The following APBB2 variants were observed in gnomAD, a reference collection of about 807,000 sequenced individuals.
APBB2 encodes the protein Fe65-like 1.
In APBB2, 38 loss-of-function variants were observed where a neutral mutation model predicts 82.5. The ratio of observed to expected loss-of-function variants is 0.46; its 90% CI spans 0.36 to 0.60. APBB2 has a LOEUF of 0.60. Among genes scored for constraint, APBB2 ranks in the 20% least tolerant of loss-of-function variants. The pLI is 0.00. For synonymous variants in APBB2, 341 were observed against 368.2 expected, an observed-to-expected ratio of 0.93 and a Z score of 0.85; for missense variants, 772 against 972.3, an observed-to-expected ratio of 0.79 and a Z score of 2.74.
At chr4:40,940,963 G>GT (rs999638586) in intron 7 of APBB2, among the ~76,000 whole-genome samples, 10 of 152,226 alleles carry the variant, frequency 6.6e-5, no homozygotes, top group African/African-American at 9.6e-5. Flanking sequence ...TTCCTGGCCA[G>GT]TTTATAAACT....
intron 6 of APBB2, among the ~76,000 whole-genome samples, chr4:40,991,025 T>TTTTTTTTTTTG (rs1801909301): frequency 6.6e-6 from 1 of 150,704 alleles, no homozygotes; most frequent in African/African-American, 2.4e-5. Flanking sequence ...TTTTTTTTTT[T>TTTTTTTTTTTG]GGAGGCAAGG....
At chr4:40,846,308 C>T (rs1434938586) in intron 12 of APBB2, among the ~76,000 whole-genome samples, 1 of 141,882 alleles carries the variant, frequency 7.0e-6, no homozygotes, top group Non-Finnish European at 1.5e-5. Context: ...GGATCAAGGC[C>T]CTCGGATGAA....
intron 6 of APBB2, among the ~76,000 whole-genome samples, chr4:40,953,986 A>G (rs1265654942): frequency 6.6e-6 from 1 of 152,204 alleles, no homozygotes; most frequent in African/African-American, 2.4e-5. Flanking sequence ...GCCAAAAGCA[A>G]TACTTGGCCT....
chr4:40,938,880 G>T (rs1281122623), intron 7 of APBB2, among the ~76,000 whole-genome samples: 1 of 152,216 alleles, frequency 6.6e-6, no homozygotes, highest in Non-Finnish European at 1.5e-5. Context: ...AAACACCAAT[G>T]TTGCAGTATT....
intron 1 of APBB2, among the ~76,000 whole-genome samples, chr4:41,171,577 C>A (rs978172800): frequency 3.3e-5 from 5 of 152,218 alleles, no homozygotes; most frequent in African/African-American, 1.2e-4. Context: ...GTAACCATTT[C>A]ATAAGGCTCC....
intron 6 of APBB2, among the ~76,000 whole-genome samples, chr4:40,964,453 A>AGCTAGATGACAC (rs1560400582): frequency 4.2e-5 from 6 of 144,164 alleles, no homozygotes; most frequent in African/African-American, 1.6e-4. Flanking sequence ...TAAGATAAAC[A>AGCTAGATGACAC]AATCATTTTT....
At chr4:40,839,978 T>A (rs183175419) in intron 12 of APBB2, among the ~76,000 whole-genome samples, 1 of 152,294 alleles carries the variant, frequency 6.6e-6, no homozygotes, top group African/African-American at 2.4e-5. Flanking sequence ...CGAGGGGTGT[T>A]TTTTAATAAA....
chr4:41,201,295 C>G (rs1290223989), intron 1 of APBB2, among the ~76,000 whole-genome samples: 2 of 152,122 alleles, frequency 1.3e-5, no homozygotes, highest in East Asian at 3.9e-4. Context: ...GGACTGTCAT[C>G]TGTATTTTCT....
intron 5 of APBB2, among the ~76,000 whole-genome samples, chr4:41,029,048 A>G (rs897028687): frequency 2.0e-5 from 3 of 152,210 alleles, no homozygotes; most frequent in Non-Finnish European, 2.9e-5. Flanking sequence ...GGAAACTGAC[A>G]AACGGGCCCA....
In APBB2 at chr4:41,132,467, C is replaced by T. The variant is rs905827063; in HGVS notation, c.-261+10520G>A. ...ATTACTTCAAGTCCAAACAGGCAGG[C>T]CTTTCTTAGCAAACAGCTTTCCTGA... On this transcript the variant is annotated intron_variant, in intron 2 of 17. Transcript: ENST00000508593. Among the ~76,000 whole-genome samples, 9 of 152,312 alleles carry T rather than the reference C, an allele frequency of 5.9e-5. No individual in the cohort carries two copies. The East Asian group carries it at 1.5e-3, about 26-fold the overall frequency.
At chr4:40,902,979 A>C (rs1775739147) in intron 10 of APBB2, among the ~76,000 whole-genome samples, 1 of 152,148 alleles carries the variant, frequency 6.6e-6, no homozygotes, top group Admixed American at 6.5e-5. Flanking sequence ...GGTCTGTAAA[A>C]AAAATTTTTT....
chr4:41,001,024 G>C (rs1805073641), intron 6 of APBB2, among the ~76,000 whole-genome samples: 1 of 152,082 alleles, frequency 6.6e-6, no homozygotes, highest in African/African-American at 2.4e-5. Context: ...GGAAACACTG[G>C]TCAGAGGTCC....
chr4:41,212,463 C>T (rs1042604805), intron 1 of APBB2, among the ~76,000 whole-genome samples: 1 of 152,196 alleles, frequency 6.6e-6, no homozygotes, highest in African/African-American at 2.4e-5. Context: ...CCTCACCATC[C>T]AGCTTTTCAA....
intron 10 of APBB2, among the ~76,000 whole-genome samples, chr4:40,899,219 T>A (rs982229946): frequency 1.3e-5 from 2 of 152,262 alleles, no homozygotes; most frequent in Admixed American, 1.3e-4. Flanking sequence ...TTAACTGGGC[T>A]AAATTCGAGT....
chr4:41,137,581 C>G (rs1560849987), intron 2 of APBB2, among the ~76,000 whole-genome samples: 1 of 152,150 alleles, frequency 6.6e-6, no homozygotes, highest in East Asian at 1.9e-4. Flanking sequence ...GACACTGCAT[C>G]TTAAGTCCAA....
chr4:40,904,446 A>C (rs1044886821), intron 10 of APBB2, among the ~76,000 whole-genome samples: 3 of 150,894 alleles, frequency 2.0e-5, no homozygotes, highest in African/African-American at 4.9e-5. Context: ...TAAATAAATA[A>C]ATAAATAAAT....
intron 1 of APBB2, among the ~76,000 whole-genome samples, chr4:41,205,606 C>T (rs1213802234): frequency 6.6e-6 from 1 of 152,142 alleles, no homozygotes; most frequent in Non-Finnish European, 1.5e-5. Context: ...TGGCCATTTC[C>T]TACACCAAAG....
chr4:41,103,493 C>T (rs967538809), intron 2 of APBB2, among the ~76,000 whole-genome samples: 110 of 152,074 alleles, frequency 7.2e-4, no homozygotes, highest in African/African-American at 2.6e-3. Flanking sequence ...TTTTAAAACA[C>T]AATACTCAAC....
intron 6 of APBB2, among the ~76,000 whole-genome samples, chr4:41,009,032 CAT>C (rs1807581151): frequency 1.3e-5 from 2 of 152,148 alleles, no homozygotes; most frequent in African/African-American, 4.8e-5. Flanking sequence ...CCAAACTAAA[CAT>C]AAAATTACAT....
Sources: allele counts gnomAD v4.1 joint callset (sites outside exome capture counted in the v4.1 genomes callset), GRCh38; gene constraint gnomAD v4.1.1; transcripts MANE v1.5; gene names NCBI Gene and HGNC (gene_info 2026-07-23, HGNC 2026-07-21).